The following AGBL4 variants were observed in gnomAD, a reference collection of about 807,000 sequenced individuals.
The protein encoded by AGBL4 is AGBL carboxypeptidase 4.
AGBL4 carries 58 observed loss-of-function variants against 66.4 expected under a neutral mutation model. The observed-to-expected ratio is 0.87, with a 90% confidence interval of 0.71 to 1.09. The LOEUF (loss-of-function observed/expected upper bound fraction) is 1.09, where lower values mean the gene tolerates loss of function less well. Ranked by LOEUF, AGBL4 falls within the 50% of genes least tolerant of loss-of-function variation. AGBL4 has a pLI of 0.00. For synonymous variants in AGBL4, 234 were observed against 222.9 expected (o/e 1.05, Z -0.44); for missense variants, 579 against 631.0 (o/e 0.92, Z 0.88).
At chr1:49,713,509 A>T (rs1354094301) in intron 2 of AGBL4, among the ~76,000 whole-genome samples, 2 of 152,034 alleles carry the variant, frequency 1.3e-5, no homozygotes, top group South Asian at 2.1e-4. Context: ...GATCAGTTAC[A>T]TACTAATAGT....
intron 6 of AGBL4, among the ~76,000 whole-genome samples, chr1:48,717,085 T>C (rs1647063870): frequency 6.6e-6 from 1 of 152,244 alleles, no homozygotes; most frequent in Admixed American, 6.5e-5. Context: ...GCGCGGATAG[T>C]GCAGTGCAGT....
chr1:49,512,293 T>A (rs1933270), intron 3 of AGBL4, among the ~76,000 whole-genome samples: 2 of 151,772 alleles, frequency 1.3e-5, no homozygotes, highest in Non-Finnish European at 2.9e-5. Flanking sequence ...ATTTATTAGC[T>A]ATGAAATATT....
chr1:49,131,650 G>T (rs907704975), intron 4 of AGBL4, among the ~76,000 whole-genome samples: 1 of 152,044 alleles, frequency 6.6e-6, no homozygotes, highest in Non-Finnish European at 1.5e-5. Context: ...ACAAGAGAAA[G>T]AATGGAATGT....
At chr1:49,751,071 AC>A (rs1198984009) in intron 2 of AGBL4, among the ~76,000 whole-genome samples, 1 of 152,098 alleles carries the variant, frequency 6.6e-6, no homozygotes, top group African/African-American at 2.4e-5. Context: ...TATTTGAATA[AC>A]CTTTATTTCT....
chr1:49,379,641 T>A (rs1182938608), intron 3 of AGBL4, among the ~76,000 whole-genome samples: 1 of 152,190 alleles, frequency 6.6e-6, no homozygotes, highest in Non-Finnish European at 1.5e-5. Context: ...GATAATCATG[T>A]GGTTTTTGTC....
chr1:48,754,921 C>G (rs995989549), intron 6 of AGBL4, among the ~76,000 whole-genome samples: 9 of 152,146 alleles, frequency 5.9e-5, no homozygotes, highest in African/African-American at 2.2e-4. Flanking sequence ...TAGGAATAAG[C>G]CAGTGACACT....
chr1:48,598,356 T>C (rs1193699457), intron 9 of AGBL4, among the ~76,000 whole-genome samples: 1 of 152,184 alleles, frequency 6.6e-6, no homozygotes, highest in Admixed American at 6.5e-5. Context: ...TATTTCATCA[T>C]TGTGTGACCA....
At position 49,459,445 on chromosome 1, in the gene AGBL4, G is replaced by C. The variant is rs541229217; in HGVS notation, c.283-213581C>G. On this transcript the variant is annotated intron_variant, in intron 3 of 13. Coordinates refer to ENST00000371839, the MANE Select transcript of AGBL4 (RefSeq NM_032785.4). ...CTTTTTTATTTCTGTTGTATCAGTA[G>C]TAGTATCTCCCATTTCATTTCTAAC... 1.1e-3 allele frequency among the ~76,000 whole-genome samples: 172 copies of C among 151,646 alleles called. 1 individual carries two copies. Among genetic ancestry groups the C allele is most frequent in the African/African-American group, 4.0e-3 (167 of 41,460 alleles).
intron 3 of AGBL4, among the ~76,000 whole-genome samples, chr1:49,341,505 AC>A (rs1645538398): frequency 6.6e-6 from 1 of 152,182 alleles, no homozygotes; most frequent in Admixed American, 6.5e-5. Context: ...GGACTTCCGA[AC>A]TTAGGAAGTT....
chr1:49,328,833 T>C (rs1645274466), intron 3 of AGBL4, among the ~76,000 whole-genome samples: 1 of 152,218 alleles, frequency 6.6e-6, no homozygotes, highest in Non-Finnish European at 1.5e-5. Context: ...TCTTTATTTG[T>C]TTATGTTATC....
At chr1:48,934,573 A>G (rs1159874018) in intron 5 of AGBL4, among the ~76,000 whole-genome samples, 3 of 151,994 alleles carry the variant, frequency 2.0e-5, no homozygotes, top group Admixed American at 2.0e-4. Flanking sequence ...CTCAAACTCA[A>G]AGTAAACTAT....
At chr1:48,995,550 C>T (rs1221540450) in intron 5 of AGBL4, among the ~76,000 whole-genome samples, 1 of 152,178 alleles carries the variant, frequency 6.6e-6, no homozygotes, top group Non-Finnish European at 1.5e-5. Flanking sequence ...AGTTCAGCTA[C>T]TAATACGTTA....
intron 1 of AGBL4, among the ~76,000 whole-genome samples, chr1:49,937,173 A>C (rs1654157763): frequency 6.6e-6 from 1 of 152,218 alleles, no homozygotes; most frequent in African/African-American, 2.4e-5. Context: ...AAACAAAAAA[A>C]GGCAAGGGTT....
chr1:48,999,350 C>T (rs1661232310), intron 5 of AGBL4, among the ~76,000 whole-genome samples: 1 of 152,164 alleles, frequency 6.6e-6, no homozygotes, highest in Non-Finnish European at 1.5e-5. Context: ...GGCTTTTTCT[C>T]CCTTTGATTA....
At chr1:48,864,405 A>G (rs943628208) in intron 6 of AGBL4, among the ~76,000 whole-genome samples, 2 of 152,202 alleles carry the variant, frequency 1.3e-5, no homozygotes, top group African/African-American at 4.8e-5. Flanking sequence ...GAAGATGCAT[A>G]TAATTAATAA....
intron 1 of AGBL4, among the ~76,000 whole-genome samples, chr1:49,979,020 A>G (rs1317217276): frequency 6.6e-6 from 1 of 152,226 alleles, no homozygotes; most frequent in Non-Finnish European, 1.5e-5. Flanking sequence ...AAACCTATAG[A>G]TGAACAATGT....
At chr1:49,118,836 T>G (rs776282308) in intron 4 of AGBL4, among the ~76,000 whole-genome samples, 2 of 152,206 alleles carry the variant, frequency 1.3e-5, no homozygotes, top group African/African-American at 4.8e-5. Context: ...CTGGACTTTT[T>G]TTGGTTGGTA....
intron 3 of AGBL4, among the ~76,000 whole-genome samples, chr1:49,598,983 T>TGTC (rs1210997838): frequency 1.3e-5 from 2 of 152,198 alleles, no homozygotes; most frequent in African/African-American, 4.8e-5. Context: ...CCTTTGGATG[T>TGTC]GCCGCTGGAT....
chr1:49,240,545 C>T lies in AGBL4; in HGVS notation c.377+5225G>A, dbSNP rs550280529. On this transcript the variant is annotated intron_variant, in intron 4 of 13. Transcript: ENST00000371839. ...TTCGCTCTTTGGTTTCATGACACTGCATTTTCTTTTTTTTTTTTTTTTTTC... is the reference window on the plus strand; with the variant it reads ...TTCGCTCTTTGGTTTCATGACACTGTATTTTCTTTTTTTTTTTTTTTTTTC... Among the ~76,000 whole-genome samples the T allele has an allele frequency of 3.9e-4, 50 of 127,494 alleles. 1 individual carries two copies. The South Asian group carries it at 0.012, about 30-fold the overall frequency. The allele number at this position is 127,494 out of a possible 152,430, so 83.6% of individuals were successfully genotyped here. A position where few individuals can be genotyped will look rare whatever the true frequency, so the allele number is the denominator to read the frequency against.
Sources: allele counts gnomAD v4.1 joint callset (sites outside exome capture counted in the v4.1 genomes callset), GRCh38; gene constraint gnomAD v4.1.1; transcripts MANE v1.5; gene names NCBI Gene and HGNC (gene_info 2026-07-23, HGNC 2026-07-21).